Variants in CDT1 observed in about 807,000 individuals in gnomAD.
The protein encoded by CDT1 is DNA replication factor Cdt1.
A neutral mutation model predicts 49.3 loss-of-function variants in CDT1; 66 were observed. The ratio of observed to expected loss-of-function variants is 1.34; its 90% CI spans 1.10 to 1.64. CDT1 has a LOEUF of 1.64. Ranked by LOEUF, CDT1 falls within the 40% of genes most tolerant of loss-of-function variation. The pLI is 0.00. For synonymous variants in CDT1, 424 were observed against 347.4 expected, an observed-to-expected ratio of 1.22 and a Z score of -2.45; for missense variants, 958 against 807.7, an observed-to-expected ratio of 1.19 and a Z score of -2.26.
In CDT1 at chr16:88,806,307, C is replaced by T. The variant is rs1032834193; in HGVS notation, c.934-179C>T. ...GCAGGCACTGAGGAGGTCCCCAAGG[C>T]GTTCAGCGAGCGCGGACCATGGGAG... is the stretch of plus-strand genomic sequence containing the variant. On this transcript the variant is annotated intron_variant, in intron 6 of 9. Transcript: ENST00000301019. 2.6e-5 allele frequency: 25 copies of T among 971,904 alleles called. No individual in the cohort carries two copies. The East Asian group carries it at 2.9e-4, about 11-fold the overall frequency. 60.2% of individuals were successfully genotyped at this position (971,904 alleles called of 1,614,324 possible).
chr16:88,808,482 G>C lies in CDT1; in HGVS notation c.*204G>C. 1 of 614,868 alleles carries C rather than the reference G, an allele frequency of 1.6e-6. No homozygotes were observed. The allele number at this position is 614,868 out of a possible 1,614,324, so 38.1% of individuals were successfully genotyped here. A position where few individuals can be genotyped will look rare whatever the true frequency, so the allele number is the denominator to read the frequency against. On this transcript the variant is annotated 3_prime_UTR_variant, in exon 10 of 10. Coordinates refer to ENST00000301019, the MANE Select transcript of CDT1 (RefSeq NM_030928.4). ...GCCCCTTCATGGGGCTCACCTGGTGGATTCACATTAAACCGGTTTCTGTGG... is the reference window on the plus strand; with the variant it reads ...GCCCCTTCATGGGGCTCACCTGGTGCATTCACATTAAACCGGTTTCTGTGG...
chr16:88,803,932 G>A lies in CDT1; in HGVS notation c.101G>A (p.Arg34Lys). The part of the protein sequence containing the change: ...KLACRTPSPA[R>K]PALRAPASAT... The stretch of plus-strand genomic sequence containing the variant: ...GCCTGCCGCACCCCCAGCCCCGCCA[G>A]GCCCGCACTCCGCGCCCCGGCCTCC... The change falls in exon 1 of 10, where the codon AGG becomes AAG. Residue 34 changes from arginine (R) to lysine (K), a missense_variant. Arg to Lys is a conservative substitution (Grantham distance 26). Coordinates refer to ENST00000301019, the MANE Select transcript of CDT1 (RefSeq NM_030928.4). The A allele has an allele frequency of 7.2e-7, 1 of 1,396,192 alleles. No individual in the cohort carries two copies. Among genetic ancestry groups the A allele is most frequent in the Non-Finnish European group, 9.3e-7 (1 of 1,074,910 alleles). The allele number at this position is 1,396,192 out of a possible 1,614,324, so 86.5% of individuals were successfully genotyped here.
chr16:88,806,474 C>A lies in CDT1; in HGVS notation c.934-12C>A. ...ATGTGCCCAGGGTCACCCATCTACT[C>A]CTTCTCCCCAGGCCTTCCTGGCCTC... On this transcript the variant is annotated splice_polypyrimidine_tract_variant and intron_variant, in intron 6 of 9. Coordinates refer to ENST00000301019, the MANE Select transcript of CDT1 (RefSeq NM_030928.4). 2 of 1,609,750 alleles carry A rather than the reference C, an allele frequency of 1.2e-6. No individual in the cohort carries two copies. The highest frequency in any genetic ancestry group is 2.2e-5 in the East Asian group (1 of 44,730).
rs1908750257 is a variant in CDT1, at chr16:88,804,006, C to G, written c.175C>G (p.Arg59Gly). Reference protein sequence around the residue: ...KRARPPAAPGRDQARPPARRR... With the variant: ...KRARPPAAPGGDQARPPARRR... ...CGCCCGCCCGCCCGCCGCCCCCGGA[C>G]GCGACCAGGCCAGGCCACCGGCCCG... is the stretch of plus-strand genomic sequence containing the variant. The change falls in exon 1 of 10, where the codon CGC becomes GGC. Residue 59 changes from arginine to glycine, a missense_variant. By Grantham distance (125) the Arg-to-Gly change is moderately radical (BLOSUM62 -2). Transcript: ENST00000301019. 6.9e-7 allele frequency: 1 copy of G among 1,457,616 alleles called. No homozygotes were observed. Among genetic ancestry groups the G allele is most frequent in the Admixed American group, 2.5e-5 (1 of 39,716 alleles). The allele number at this position is 1,457,616 out of a possible 1,614,324, so 90.3% of individuals were successfully genotyped here. A position where few individuals can be genotyped will look rare whatever the true frequency, so the allele number is the denominator to read the frequency against.
In CDT1 at chr16:88,806,133, C is replaced by A. The variant is rs766332987; in HGVS notation, c.933+12C>A. On this transcript the variant is annotated intron_variant, in intron 6 of 9. Transcript: ENST00000301019. ...AGGAGCACCACAAGGTGAGCGGCCCCCGGCCCCGCTGTGTGAAGATGGTGG... is the reference window on the plus strand; with the variant it reads ...AGGAGCACCACAAGGTGAGCGGCCCACGGCCCCGCTGTGTGAAGATGGTGG... The A allele has an allele frequency of 1.9e-6, 3 of 1,580,214 alleles. No individual in the cohort carries two copies. The highest frequency in any genetic ancestry group is 1.7e-6 in the Non-Finnish European group (2 of 1,168,160).
intron 2 of CDT1, 34 bp downstream of exon 2, chr16:88,804,701 G>A: frequency 6.2e-7 from 1 of 1,612,238 alleles, no homozygotes; most frequent in Non-Finnish European, 8.5e-7. Context: ...ATGCGGGAGG[G>A]CTGAGTGGTG....
At chr16:88,808,082 C>T (rs1178599198) in intron 9 of CDT1, 33 bp from the exon 10 acceptor site, 2 of 1,608,328 alleles carry the variant, frequency 1.2e-6, no homozygotes, top group South Asian at 1.1e-5. Context: ...TGGGGCCCAG[C>T]ACCAGCCTCA....
Position 88,805,779 on chromosome 16 carries a change from C to T in CDT1, c.742C>T (p.Arg248Cys), listed in dbSNP as rs149192605. 3.5e-5 allele frequency: 56 copies of T among 1,613,024 alleles called. No individual in the cohort carries two copies. Among genetic ancestry groups the T allele is most frequent in the South Asian group, 3.1e-4 (28 of 91,082 alleles). ...CAAAACCGTGTACCCGGCCTCCTAC[C>T]GCTTCCGCCAGGAGCGCAGTGTCCC... ...QIKTVYPASY[R>C]FRQERSVPTF... is the part of the protein sequence containing the mutation. The change falls in exon 5 of 10, where the codon CGC becomes TGC. Residue 248 changes from arginine (R) to cysteine (C), a missense_variant. Physicochemically the swap from Arg to Cys is radical, Grantham distance 180 (BLOSUM62 -3). Transcript: ENST00000301019.
chr16:88,805,865 G>A lies in CDT1; in HGVS notation c.828G>A (p.Glu276=), dbSNP rs963613048. The change falls in exon 5 of 10, where the codon GAG becomes GAA. Residue 276 remains glutamate, a synonymous_variant. Transcript: ENST00000301019. ...DYQLTIEPLL[E]QEADGAAPQL... ...AGCTCACCATCGAGCCACTGCTGGA[G>A]CAGGGTGAGTGCTGGGTGCGGGACC... 2.5e-6 allele frequency: 4 copies of A among 1,613,016 alleles called. No homozygotes were observed. Among genetic ancestry groups the A allele is most frequent in the Non-Finnish European group, 3.4e-6 (4 of 1,179,970 alleles).
intron 1 of CDT1, 144 bp downstream of exon 1, chr16:88,804,203 G>C: frequency 1.4e-6 from 1 of 705,742 alleles, no homozygotes. Context: ...TCTGGGACAG[G>C]CCGGGGGATC....
chr16:88,806,725 C>T (rs1597505865), intron 7 of CDT1, 51 bp downstream of exon 7: 1 of 1,549,294 alleles, frequency 6.5e-7, no homozygotes, highest in South Asian at 1.2e-5. Flanking sequence ...GGTGGGCCAG[C>T]CTGACCCCAG....
rs779617525 is a variant in CDT1 at position 88,808,231 on chromosome 16, A to T, written c.1594A>T (p.Ile532Phe). 2 of 1,607,086 alleles carry T rather than the reference A, an allele frequency of 1.2e-6. No homozygotes were observed. Among genetic ancestry groups the T allele is most frequent in the East Asian group, 2.2e-5 (1 of 44,672 alleles). ...GGACAAGGCCGCGGACCTCGCCCAC[A>T]TCACTGCACGCCTGGCCCACCAGAC... is the stretch of plus-strand genomic sequence containing the variant. ...KLDKAADLAH[I>F]TARLAHQTRA... The change falls in exon 10 of 10, where the codon ATC becomes TTC. Residue 532 changes from isoleucine (I) to phenylalanine (F), a missense_variant. Transcript: ENST00000301019.
rs1908975981 is a variant in CDT1 at position 88,808,817 on chromosome 16, A to G, written c.*539A>G. 2 of 160,978 alleles carry G rather than the reference A, an allele frequency of 1.2e-5. No homozygotes were observed. Among genetic ancestry groups the G allele is most frequent in the African/African-American group, 4.9e-5 (2 of 40,898 alleles). The allele number at this position is 160,978 out of a possible 1,614,324, so 10.0% of individuals were successfully genotyped here. ...CGAGACCATCCTGGCGAACATGGTG[A>G]AACCCCATCTCTACTAAAAATACAA... On this transcript the variant is annotated 3_prime_UTR_variant, in exon 10 of 10. Transcript: ENST00000301019.
At chr16:88,804,711 G>T in intron 2 of CDT1, 44 bp downstream of exon 2, 1 of 1,612,226 alleles carries the variant, frequency 6.2e-7, no homozygotes, top group South Asian at 1.1e-5. Flanking sequence ...GCTGAGTGGT[G>T]CCGGCCTGCC....
chr16:88,804,739 C>G (rs536311200), intron 2 of CDT1, 23 bp from the exon 3 acceptor site: 16 of 1,612,658 alleles, frequency 9.9e-6, no homozygotes, highest in African/African-American at 1.3e-5. Context: ...CTGACGGCAC[C>G]GTGTCCCCTG....
chr16:88,804,622 C>T lies in CDT1; in HGVS notation c.306C>T (p.Thr102=), dbSNP rs1385869224. ...CGGGCCAGAAGATAAAGAAATCCAC[C>T]CCGGCAGCAGGTCAGCCGCCCCACC... ...PSPGQKIKKS[T]PAAGQPPHLT... The change falls in exon 2 of 10, where the codon ACC becomes ACT. Residue 102 remains threonine, a synonymous_variant. Transcript: ENST00000301019. 2 of 1,612,786 alleles carry T rather than the reference C, an allele frequency of 1.2e-6. No homozygotes were observed. The highest frequency in any genetic ancestry group is 8.5e-7 in the Non-Finnish European group (1 of 1,179,854).
rs1468070449 is a variant in CDT1, at chr16:88,806,132, C to T, written c.933+11C>T. The stretch of plus-strand genomic sequence containing the variant: ...AAGGAGCACCACAAGGTGAGCGGCC[C>T]CCGGCCCCGCTGTGTGAAGATGGTG... On this transcript the variant is annotated intron_variant, in intron 6 of 9. Coordinates refer to ENST00000301019, the MANE Select transcript of CDT1 (RefSeq NM_030928.4). 2.5e-6 allele frequency: 4 copies of T among 1,580,006 alleles called. No individual in the cohort carries two copies. Among genetic ancestry groups the T allele is most frequent in the Admixed American group, 3.5e-5 (2 of 57,148 alleles).
At chr16:88,804,486 T>C in intron 1 of CDT1, 59 bp from the exon 2 acceptor site, 1 of 1,588,270 alleles carries the variant, frequency 6.3e-7, no homozygotes. Context: ...CGGGGTCCTC[T>C]GCAGAGCCAG....
rs1474244172 is a variant in CDT1 at position 88,807,401 on chromosome 16, G to C, written c.1396G>C (p.Val466Leu). ...ELARVLRSVF[V>L]SERKPALSME... ...GGCCCGCGTGCTGCGGAGCGTCTTTGTGTCCGAACGCAAGCCTGCGCTCAG... is the reference window on the plus strand; with the variant it reads ...GGCCCGCGTGCTGCGGAGCGTCTTTCTGTCCGAACGCAAGCCTGCGCTCAG... The change falls in exon 9 of 10, where the codon GTG (valine) becomes CTG (leucine). Residue 466 changes from valine (V) to leucine (L), a missense_variant. By Grantham distance (32) the Val-to-Leu change is conservative. Transcript: ENST00000301019. 6.2e-7 allele frequency: 1 copy of C among 1,612,920 alleles called. No homozygotes were observed. Among genetic ancestry groups the C allele is most frequent in the East Asian group, 2.2e-5 (1 of 44,886 alleles).
Sources: allele counts gnomAD v4.1 joint callset, GRCh38; gene constraint gnomAD v4.1.1; transcripts MANE v1.5; gene names NCBI Gene and HGNC (gene_info 2026-07-23, HGNC 2026-07-21).